CSPG4: variants seen among roughly 807,000 people sequenced by gnomAD.
The protein encoded by CSPG4 is chondroitin sulfate proteoglycan 4 (melanoma-associated).
Under a neutral mutation model 139.3 loss-of-function variants are expected in CSPG4, and 74 were observed. The ratio of observed to expected loss-of-function variants is 0.53; its 90% CI spans 0.44 to 0.64. CSPG4 has a LOEUF of 0.64. Ranked by LOEUF, CSPG4 falls within the 30% of genes least tolerant of loss-of-function variation. The pLI is 0.00. For synonymous variants in CSPG4, 1,234 were observed against 1,394.2 expected, an observed-to-expected ratio of 0.89 and a Z score of 2.56; for missense variants, 2,565 against 3,148.3, an observed-to-expected ratio of 0.81 and a Z score of 4.43.
rs1395490197 is a variant in CSPG4, at chr15:75,690,732, A to G, written c.333T>C (p.Thr111=). 4.3e-6 allele frequency: 7 copies of G among 1,613,054 alleles called. No homozygotes were observed. The East Asian group carries it at 1.1e-4, about 26-fold the overall frequency. ...ETLLSDSIPH[T]VVLTVVEGWA... ...AGCCCTCTACGACAGTCAGCACCAC[A>G]GTGTGGGGGATGGAGTCACTCAGCA... Residue 111 remains threonine (T), a synonymous_variant, in exon 3 of 10, where the codon ACT becomes ACC. Transcript: ENST00000308508.
chr15:75,707,594 A>G (rs546699901), intron 1 of CSPG4, among the ~76,000 whole-genome samples: 24 of 152,332 alleles, frequency 1.6e-4, no homozygotes, highest in South Asian at 1.2e-3. Context: ...AGCTGGGACC[A>G]CCTTCTGCTC....
At chr15:75,701,677 C>T (rs1296174928) in intron 1 of CSPG4, among the ~76,000 whole-genome samples, 1 of 152,200 alleles carries the variant, frequency 6.6e-6, no homozygotes, top group Non-Finnish European at 1.5e-5. Flanking sequence ...TAATGCACCA[C>T]GTCTCTCTCA....
At chr15:75,691,138 C>A (rs890073459) in intron 2 of CSPG4, among the ~76,000 whole-genome samples, 4 of 152,172 alleles carry the variant, frequency 2.6e-5, no homozygotes, top group Admixed American at 6.5e-5. Context: ...CATGCCATTG[C>A]ACTCCAGCCT....
Position 75,687,580 on chromosome 15 carries a change from T to A in CSPG4, c.3485A>T (p.Asp1162Val). 6.2e-7 allele frequency: 1 copy of A among 1,610,626 alleles called. No individual in the cohort carries two copies. The highest frequency in any genetic ancestry group is 8.5e-7 in the Non-Finnish European group (1 of 1,178,426). ...LDTNLDIRSG[D>V]EVHYHVTAGP... ...AGCTGTGACGTGGTAGTGGACCTCA[T>A]CCCCACTGCGGATGTCGAGGTTGGT... Residue 1162 changes from aspartate (D) to valine (V), a missense_variant, in exon 3 of 10, where the codon GAT becomes GTT. Physicochemically the swap from Asp to Val is radical, Grantham distance 152. Around this residue, in one of 5 missense-constraint regions of CSPG4, gnomAD observed 2,316 missense variants for 2,818.2 expected, o/e 0.82. Coordinates refer to ENST00000308508, the MANE Select transcript of CSPG4 (RefSeq NM_001897.5). This position sits in a 1 kb window ranked among gnomAD's most constrained non-coding sequence, Gnocchi z 5.4.
rs145478191 is a variant in CSPG4 at position 75,675,982 on chromosome 15, G to A, written c.6537C>T (p.Pro2179=). The A allele has an allele frequency of 1.8e-5, 28 of 1,577,108 alleles. No homozygotes were observed. The highest frequency in any genetic ancestry group is 1.7e-4 in the Middle Eastern group (1 of 5,914). The stretch of plus-strand genomic sequence containing the variant: ...TCCCTGCTTCCGTCCGGGCGGCCTC[G>A]GGGACACTGAGCAGGGCCACGCTGT... ...RPYSVALLSV[P]EAARTEAGKP... is the part of the protein sequence containing the mutation. The change falls in exon 10 of 10, where the codon CCC becomes CCT. Residue 2179 remains proline (P), a synonymous_variant. Coordinates refer to ENST00000308508, the MANE Select transcript of CSPG4 (RefSeq NM_001897.5).
intron 1 of CSPG4, among the ~76,000 whole-genome samples, chr15:75,701,123 G>T (rs1309450233): frequency 2.0e-5 from 3 of 152,184 alleles, no homozygotes; most frequent in Non-Finnish European, 4.4e-5. Flanking sequence ...CTGGCAAGAG[G>T]TGTGGCCACT....
Position 75,687,134 on chromosome 15 carries a change from G to A in CSPG4, c.3789+142C>T, listed in dbSNP as rs1596008202. ...AAACTCCTGGGAGCACAACATATAC[G>A]GGAGCACATCTGAGGCACGTGCACA... On this transcript the variant is annotated intron_variant, in intron 3 of 9. Coordinates refer to ENST00000308508, the MANE Select transcript of CSPG4 (RefSeq NM_001897.5). The surrounding 1 kb of genome is among the most constrained non-coding windows in gnomAD (Gnocchi z 5.4). 7.4e-6 allele frequency: 7 copies of A among 947,466 alleles called. No homozygotes were observed. The highest frequency in any genetic ancestry group is 9.8e-6 in the Non-Finnish European group (6 of 611,368). The allele number at this position is 947,466 out of a possible 1,614,324, so 58.7% of individuals were successfully genotyped here.
In CSPG4 at chr15:75,676,968, T is replaced by C. The variant is rs1170528457; in HGVS notation, c.5551A>G (p.Ile1851Val). ...LRLTRGSRAPISRAQLSVVDP... is the reference protein window; with the variant it reads ...LRLTRGSRAPVSRAQLSVVDP... ...ACCACACTCAGCTGGGCCCGGGAGATGGGGGCACGAGAGCCTCGGGTGAGC... is the reference window on the plus strand; with the variant it reads ...ACCACACTCAGCTGGGCCCGGGAGACGGGGGCACGAGAGCCTCGGGTGAGC... Residue 1851 changes from isoleucine to valine, a missense_variant, in exon 10 of 10, where the codon ATC (isoleucine) becomes GTC (valine). Physicochemically the swap from Ile to Val is conservative, Grantham distance 29 (BLOSUM62 3). Transcript: ENST00000308508. The C allele has an allele frequency of 3.3e-6, 5 of 1,495,108 alleles. No homozygotes were observed. The highest frequency in any genetic ancestry group is 4.5e-6 in the Non-Finnish European group (5 of 1,117,124). The allele number at this position is 1,495,108 out of a possible 1,614,324, so 92.6% of individuals were successfully genotyped here. A position where few individuals can be genotyped will look rare whatever the true frequency, so the allele number is the denominator to read the frequency against.
chr15:75,702,219 A>C (rs1451993068), intron 1 of CSPG4, among the ~76,000 whole-genome samples: 1 of 152,114 alleles, frequency 6.6e-6, no homozygotes, highest in Non-Finnish European at 1.5e-5. Context: ...CTCTCTTCCA[A>C]GGACACTCCA....
At position 75,689,983 on chromosome 15, in the gene CSPG4, T is replaced by C. The variant is rs572011765; in HGVS notation, c.1082A>G (p.Asn361Ser). ...TTCCCGCAGCCCCCGCCTCTGGCCA[T>C]TGACACTGAGGTCTTCCATGCAGCC... Reference protein sequence around the residue: ...LLGCMEDLSVNGQRRGLREAL... With the variant: ...LLGCMEDLSVSGQRRGLREAL... The change falls in exon 3 of 10, where the codon AAT becomes AGT. Residue 361 changes from asparagine to serine, a missense_variant. Asn to Ser is a conservative substitution (Grantham distance 46). Transcript: ENST00000308508. The C allele has an allele frequency of 4.3e-5, 69 of 1,612,180 alleles. No individual in the cohort carries two copies. In the East Asian group the frequency reaches 1.4e-3, roughly 33 times the overall value.
At chr15:75,712,357 G>A (rs576629814) in intron 1 of CSPG4, among the ~76,000 whole-genome samples, 1 of 152,290 alleles carries the variant, frequency 6.6e-6, no homozygotes, top group Non-Finnish European at 1.5e-5. Context: ...CCAGCATTGG[G>A]GTGGCCCCAC....
At position 75,675,641 on chromosome 15, in the gene CSPG4, C is replaced by A. The variant is rs1198864144; in HGVS notation, c.6878G>T (p.Gly2293Val). The change falls in exon 10 of 10, where the codon GGG becomes GTG. Residue 2293 changes from glycine (G) to valine (V), a missense_variant. This residue lies in a region of CSPG4 where 2,316 missense variants were observed against 2,818.2 expected (regional missense o/e 0.82). Coordinates refer to ENST00000308508, the MANE Select transcript of CSPG4 (RefSeq NM_001897.5). Reference protein sequence around the residue: ...AIPLTAVPGQGPPPGGQPDPE... With the variant: ...AIPLTAVPGQVPPPGGQPDPE... ...GTCAGGCTGGCCTCCTGGAGGGGGC[C>A]CCTGGCCAGGCACAGCTGTGAGCGG... The A allele has an allele frequency of 6.6e-7, 1 of 1,522,178 alleles. No individual in the cohort carries two copies. Among genetic ancestry groups the A allele is most frequent in the South Asian group, 1.3e-5 (1 of 76,376 alleles). 94.3% of individuals were successfully genotyped at this position (1,522,178 alleles called of 1,614,324 possible).
Position 75,677,300 on chromosome 15 carries a change from G to C in CSPG4, c.5219C>G (p.Pro1740Arg). The C allele has an allele frequency of 6.9e-7, 1 of 1,453,022 alleles. No homozygotes were observed. The highest frequency in any genetic ancestry group is 9.1e-7 in the Non-Finnish European group (1 of 1,098,580). The allele number at this position is 1,453,022 out of a possible 1,614,324, so 90.0% of individuals were successfully genotyped here. ...ASNLLASVPS[P>R]QRSEHDVLFQ... ...GAGCACATCATGCTCTGAGCGCTGGGGTGATGGAACGCTGGCCAAGAGATT... is the reference window on the plus strand; with the variant it reads ...GAGCACATCATGCTCTGAGCGCTGGCGTGATGGAACGCTGGCCAAGAGATT... The change falls in exon 10 of 10, where the codon CCC becomes CGC. Residue 1740 changes from proline (P) to arginine (R), a missense_variant. This residue lies in a region of CSPG4 where 2,316 missense variants were observed against 2,818.2 expected (regional missense o/e 0.82). Transcript: ENST00000308508.
intron 1 of CSPG4, among the ~76,000 whole-genome samples, chr15:75,700,758 G>A (rs1337863068): frequency 1.3e-5 from 2 of 152,286 alleles, no homozygotes; most frequent in East Asian, 1.9e-4. Context: ...CCAGCCTGGC[G>A]GGCTGGGTCT....
At chr15:75,691,517 C>T (rs534436525) in intron 2 of CSPG4, among the ~76,000 whole-genome samples, 1 of 152,320 alleles carries the variant, frequency 6.6e-6, no homozygotes, top group East Asian at 1.9e-4. Flanking sequence ...TAATGGGTAA[C>T]TGGGAATCCC....
chr15:75,684,625 T>G (rs1164986855), intron 5 of CSPG4, 111 bp downstream of exon 5: 1 of 998,322 alleles, frequency 1.0e-6, no homozygotes, highest in Non-Finnish European at 1.5e-6. Context: ...GTCCCCATTT[T>G]GCAGAGGAGG....
intron 2 of CSPG4, 66 bp from the exon 3 acceptor site, chr15:75,690,878 G>A (rs965271890): frequency 1.3e-6 from 2 of 1,515,646 alleles, no homozygotes; most frequent in Non-Finnish European, 8.9e-7. Flanking sequence ...CCTTATAAAA[G>A]CATAGAGCCG....
At chr15:75,682,211 C>T (rs1180537203) in intron 8 of CSPG4, 82 bp downstream of exon 8, 1 of 1,516,360 alleles carries the variant, frequency 6.6e-7, no homozygotes, top group Non-Finnish European at 9.0e-7. Flanking sequence ...GAGCTGGCAT[C>T]CATGTCCACA....
At chr15:75,706,229 G>T (rs973811179) in intron 1 of CSPG4, among the ~76,000 whole-genome samples, 1 of 152,214 alleles carries the variant, frequency 6.6e-6, no homozygotes, top group African/African-American at 2.4e-5. Context: ...CCTCTCCCCA[G>T]CCCCCTCTGT....
Sources: gnomAD v4.1 joint callset for allele counts (sites outside exome capture counted in the v4.1 genomes callset) on GRCh38, gnomAD v4.1.1 for gene constraint, gnomAD v4.1.1 regional missense constraint, Gnocchi (gnomAD v3.1) non-coding constraint, MANE v1.5 for transcripts, NCBI Gene and HGNC (gene_info 2026-07-23, HGNC 2026-07-21) for gene names.